CHL1: variants seen among roughly 807,000 people sequenced by gnomAD.
CHL1 encodes the protein cell adhesion molecule L1 like.
Under a neutral mutation model 141.9 loss-of-function variants are expected in CHL1, and 96 were observed. The ratio of observed to expected loss-of-function variants is 0.68; its 90% confidence interval spans 0.57 to 0.80. The LOEUF (loss-of-function observed/expected upper bound fraction) is 0.80, where lower values mean the gene tolerates loss of function less well. CHL1 is among the 30% of genes least tolerant of loss of function. The probability of loss-of-function intolerance (pLI) is 0.00; values close to 1 mark genes in which losing one functional copy is unlikely to be tolerated. For synonymous variants in CHL1, 613 were observed against 502.2 expected (o/e 1.22, Z -2.95); for missense variants, 1,820 against 1,457.2 (o/e 1.25, Z -4.05).
chr3:390,735 C>T lies in CHL1; in HGVS notation c.2505C>T (p.Asp835=), dbSNP rs377752260. The T allele has an allele frequency of 2.2e-5, 35 of 1,608,362 alleles. No individual in the cohort carries two copies. Among genetic ancestry groups the T allele is most frequent in the East Asian group, 6.7e-5 (3 of 44,824 alleles). Residue 835 remains aspartate, a synonymous_variant, in exon 21 of 28, where the codon GAC becomes GAT. Coordinates refer to ENST00000256509, the MANE Select transcript of CHL1 (RefSeq NM_006614.4). ...CAGCTCCAGTGATCCATGGGGTGGA[C>T]GTTATAAACAGTACATTAGTTAAAG... ...PDTAPVIHGV[D]VINSTLVKVT...
At chr3:285,588 G>T (rs1468908952) in intron 2 of CHL1, among the ~76,000 whole-genome samples, 1 of 152,074 alleles carries the variant, frequency 6.6e-6, no homozygotes, top group Admixed American at 6.5e-5. Context: ...CTCCTCCCCA[G>T]CTGTGTACTC....
chr3:368,009 G>C (rs1575183480), intron 15 of CHL1, among the ~76,000 whole-genome samples: 1 of 152,034 alleles, frequency 6.6e-6, no homozygotes, highest in Non-Finnish European at 1.5e-5. Context: ...GATGGGCCTT[G>C]GTATCGGTTT....
intron 15 of CHL1, among the ~76,000 whole-genome samples, chr3:369,169 C>G (rs1278027646): frequency 6.6e-6 from 1 of 151,506 alleles, no homozygotes; most frequent in African/African-American, 2.4e-5. Flanking sequence ...AGCATTGAAT[C>G]TATAAATTAC....
intron 1 of CHL1, among the ~76,000 whole-genome samples, chr3:208,610 T>C (rs149453851): frequency 0.012 from 1,891 of 152,318 alleles, 23 homozygotes; most frequent in Admixed American, 0.019. Context: ...TTATTATCTT[T>C]GAAGATTGCA....
At chr3:208,060 C>T (rs184674699) in intron 1 of CHL1, among the ~76,000 whole-genome samples, 1 of 152,230 alleles carries the variant, frequency 6.6e-6, no homozygotes, top group East Asian at 1.9e-4. Context: ...TGGTTTGGAT[C>T]AGAAATTGAT....
In CHL1 at chr3:382,663, C is replaced by T. The variant is rs1707187383; in HGVS notation, c.2168C>T (p.Pro723Leu). 6.2e-7 allele frequency: 1 copy of T among 1,613,362 alleles called. No homozygotes were observed. Among genetic ancestry groups the T allele is most frequent in the Non-Finnish European group, 8.5e-7 (1 of 1,179,554 alleles). Reference sequence around the variant, plus strand: ...CAGCCGTCAGACCATCATGAAACACCACCAGCAGGTATGCAGGTTCTCACA... The same window carrying T: ...CAGCCGTCAGACCATCATGAAACACTACCAGCAGGTATGCAGGTTCTCACA... The part of the protein sequence containing the change: ...PSQPSDHHET[P>L]PAAPDRNPQN... The change falls in exon 18 of 28, where the codon CCA (proline) becomes CTA (leucine). Residue 723 changes from proline (P) to leucine (L), a missense_variant. Coordinates refer to ENST00000256509, the MANE Select transcript of CHL1 (RefSeq NM_006614.4).
At chr3:310,545 C>T (rs1231916910) in intron 2 of CHL1, among the ~76,000 whole-genome samples, 1 of 151,820 alleles carries the variant, frequency 6.6e-6, no homozygotes, top group Non-Finnish European at 1.5e-5. Context: ...ATTATTGCTT[C>T]CTCTCACATA....
chr3:200,508 T>C (rs1698825298), intron 1 of CHL1, among the ~76,000 whole-genome samples: 1 of 152,234 alleles, frequency 6.6e-6, no homozygotes, highest in South Asian at 2.1e-4. Flanking sequence ...ATGAACATTT[T>C]GATTACAGTT....
At chr3:256,153 A>G (rs1295741634) in intron 2 of CHL1, among the ~76,000 whole-genome samples, 1 of 152,252 alleles carries the variant, frequency 6.6e-6, no homozygotes, top group African/African-American at 2.4e-5. Flanking sequence ...CTGTGTATGC[A>G]TAAGTGTGCC....
At chr3:376,406 C>G (rs3773380) in intron 15 of CHL1, 3 of 515,552 alleles carry the variant, frequency 5.8e-6, no homozygotes, top group African/African-American at 5.8e-5. Flanking sequence ...GGCTGGAACA[C>G]GACATTTTTA....
chr3:337,295 A>C (rs777377802), intron 5 of CHL1, among the ~76,000 whole-genome samples: 5 of 142,876 alleles, frequency 3.5e-5, no homozygotes, highest in Non-Finnish European at 7.5e-5. Flanking sequence ...GGTTCCCGCC[A>C]TTCTCCTGCC....
At chr3:211,323 G>C (rs1017990029) in intron 1 of CHL1, among the ~76,000 whole-genome samples, 1 of 152,204 alleles carries the variant, frequency 6.6e-6, no homozygotes, top group Admixed American at 6.5e-5. Flanking sequence ...AAGGAGACTA[G>C]CGTGTGGCTA....
At chr3:258,427 G>A (rs1395127246) in intron 2 of CHL1, among the ~76,000 whole-genome samples, 1 of 152,148 alleles carries the variant, frequency 6.6e-6, no homozygotes, top group Admixed American at 6.5e-5. Context: ...GTCCAAGCTT[G>A]GAGTCATGTT....
intron 2 of CHL1, among the ~76,000 whole-genome samples, chr3:298,436 C>A (rs1168578372): frequency 2.0e-5 from 3 of 152,118 alleles, no homozygotes; most frequent in Admixed American, 1.3e-4. Flanking sequence ...CTCTAGGTGA[C>A]ATGTGCAGTT....
rs1303963820 is a variant in CHL1, at chr3:341,894, C to G, written c.509-18C>G. ...AAGGGACAATTGCCCTTTTCAATGGCAAGATATCTCTTTTCAGAATTAGAA... is the reference window on the plus strand; with the variant it reads ...AAGGGACAATTGCCCTTTTCAATGGGAAGATATCTCTTTTCAGAATTAGAA... On this transcript the variant is annotated intron_variant, in intron 6 of 27. Transcript: ENST00000256509. 10 of 1,552,836 alleles carry G rather than the reference C, an allele frequency of 6.4e-6. No homozygotes were observed. The Admixed American group carries it at 1.8e-4, about 27-fold the overall frequency.
In CHL1 at chr3:260,490, A is replaced by T. The variant is rs555546647; in HGVS notation, c.-95+15798A>T. On this transcript the variant is annotated intron_variant, in intron 2 of 27. Coordinates refer to ENST00000256509, the MANE Select transcript of CHL1 (RefSeq NM_006614.4). ...TACAGAGGTAAAAGGGCCTTATTCAAACCTTGTTTCGACTATGATGATGTC... is the reference window on the plus strand; with the variant it reads ...TACAGAGGTAAAAGGGCCTTATTCATACCTTGTTTCGACTATGATGATGTC... Among the ~76,000 whole-genome samples, 123 of 152,320 alleles carry T rather than the reference A, an allele frequency of 8.1e-4. 3 individuals carry two copies. The South Asian group carries it at 0.021, about 26-fold the overall frequency.
intron 1 of CHL1, among the ~76,000 whole-genome samples, chr3:201,800 A>G (rs1371191948): frequency 6.6e-6 from 1 of 152,080 alleles, no homozygotes; most frequent in Non-Finnish European, 1.5e-5. Flanking sequence ...TTTGCATCTT[A>G]TTTCCCCTAT....
At chr3:344,345 T>C (rs2125164079) in intron 8 of CHL1, among the ~76,000 whole-genome samples, 1 of 152,196 alleles carries the variant, frequency 6.6e-6, no homozygotes, top group East Asian at 1.9e-4. Flanking sequence ...ATGGTATAAA[T>C]AATAATATTT....
intron 1 of CHL1, among the ~76,000 whole-genome samples, chr3:235,308 G>T (rs1032271306): frequency 6.6e-6 from 1 of 152,058 alleles, no homozygotes; most frequent in Non-Finnish European, 1.5e-5. Context: ...AAATGGTCAT[G>T]TGACATTAGG....
Sources: allele counts gnomAD v4.1 joint callset (sites outside exome capture counted in the v4.1 genomes callset), GRCh38; gene constraint gnomAD v4.1.1; transcripts MANE v1.5; gene names NCBI Gene and HGNC (gene_info 2026-07-23, HGNC 2026-07-21).